Variants in MARF1 observed in about 807,000 individuals in gnomAD.
The protein encoded by MARF1 is meiosis regulator and mRNA stability factor 1.
A neutral mutation model predicts 168.2 loss-of-function variants in MARF1; 24 were observed. That is an observed-to-expected ratio of 0.14 (90% CI 0.10 to 0.20). The LOEUF is 0.20. MARF1 is among the 10% of genes least tolerant of loss of function. The pLI, the probability that MARF1 is intolerant of heterozygous loss-of-function variation, is 1.00. For missense variants in MARF1, 1,744 were observed against 2,143.6 expected (o/e 0.81, Z 3.68); for synonymous variants, 868 against 822.4 (o/e 1.06, Z -0.95).
rs377753902 is a variant in MARF1, at chr16:15,636,091, C to T, written c.396G>A (p.Pro132=). 1.5e-5 allele frequency: 25 copies of T among 1,614,194 alleles called. No homozygotes were observed. In the East Asian group the frequency reaches 3.8e-4, roughly 24 times the overall value. ...TGCTTTGCGAGTCTAACAGTGCGCC[C>T]GGGTGAATCAAGCTACTGGTACCTC... ...GSGGTSSLIH[P]GALLDSQSTR... Residue 132 remains proline (P), a synonymous_variant, in exon 3 of 27, where the codon CCG becomes CCA. Coordinates refer to ENST00000396368, the MANE Select transcript of MARF1 (RefSeq NM_014647.4).
Position 15,625,132 on chromosome 16 carries a change from A to G in MARF1, c.1995T>C (p.Ser665=). ...GCCTCAGGTGACCTTGCTGGTGCTC[A>G]CTGTTTCTATGACCAGTTTTTGACT... ...RMESKTGHRN[S]EHQQGHLRLV... Residue 665 remains serine, a synonymous_variant, in exon 9 of 27, where the codon AGT becomes AGC. Transcript: ENST00000396368. The G allele has an allele frequency of 6.2e-7, 1 of 1,614,106 alleles. No individual in the cohort carries two copies. Among genetic ancestry groups the G allele is most frequent in the Non-Finnish European group, 8.5e-7 (1 of 1,180,020 alleles).
At position 15,608,309 on chromosome 16, in the gene MARF1, T is replaced by A; in HGVS notation, c.4164A>T (p.Lys1388Asn). 3 of 1,578,000 alleles carry A rather than the reference T, an allele frequency of 1.9e-6. No individual in the cohort carries two copies. Among genetic ancestry groups the A allele is most frequent in the Non-Finnish European group, 2.6e-6 (3 of 1,154,562 alleles). ...CATTTACCTTCACGACATGGCAGAG[T>A]TTCTGAGTTAAAGCCGAAATGGAAC... ...DVSSISALTQ[K>N]LCHVVKVADI... The change falls in exon 21 of 27, where the codon AAA (lysine) becomes AAT (asparagine). Residue 1388 changes from lysine (K) to asparagine (N), a missense_variant. By Grantham distance (94) the Lys-to-Asn change is moderately conservative. Around this residue, in one of 7 missense-constraint regions of MARF1, gnomAD observed 543 missense variants for 742.1 expected, o/e 0.73. Coordinates refer to ENST00000396368, the MANE Select transcript of MARF1 (RefSeq NM_014647.4).
In MARF1 at chr16:15,595,962, A is replaced by C. The variant is rs2031638273; in HGVS notation, c.*731T>G. 1 of 152,554 alleles carries C rather than the reference A, an allele frequency of 6.6e-6. No homozygotes were observed. Among genetic ancestry groups the C allele is most frequent in the South Asian group, 2.1e-4 (1 of 4,828 alleles). 9.5% of individuals were successfully genotyped at this position (152,554 alleles called of 1,614,324 possible). ...TCTCCTTTTCCTTAACCTAACCCAT[A>C]TCAAACTGGAACACAGAAGGGAAGC... On this transcript the variant is annotated 3_prime_UTR_variant, in exon 27 of 27. Transcript: ENST00000396368.
At chr16:15,614,730 T>C (rs1029886784) in intron 16 of MARF1, among the ~76,000 whole-genome samples, 1 of 151,694 alleles carries the variant, frequency 6.6e-6, no homozygotes, top group Non-Finnish European at 1.5e-5. Context: ...GAGGCGGAGC[T>C]TGCAGTGAGC....
In MARF1 at chr16:15,594,415, A is replaced by G. The variant is rs142479496; in HGVS notation, c.*2278T>C. On this transcript the variant is annotated 3_prime_UTR_variant, in exon 27 of 27. Transcript: ENST00000396368. ...ATGCTCGCTTGTAAAGTTTATTGAC[A>G]ACTGTTTGGTCCCAACACACAAAAC... The G allele has an allele frequency of 3.1e-3, 479 of 152,718 alleles. 8 individuals are homozygous for G. The highest frequency in any genetic ancestry group is 8.1e-3 in the South Asian group (39 of 4,828). 9.5% of individuals were successfully genotyped at this position (152,718 alleles called of 1,614,324 possible). A position where few individuals can be genotyped will look rare whatever the true frequency, so the allele number is the denominator to read the frequency against.
chr16:15,637,532 T>A (rs2035677400), intron 2 of MARF1, among the ~76,000 whole-genome samples: 1 of 152,250 alleles, frequency 6.6e-6, no homozygotes, highest in South Asian at 2.1e-4. Context: ...TAGTTCAGAC[T>A]GAAATTAACA....
chr16:15,636,328 C>T lies in MARF1; in HGVS notation c.159G>A (p.Glu53=), dbSNP rs1415660146. 6.5e-7 allele frequency: 1 copy of T among 1,540,500 alleles called. No homozygotes were observed. The highest frequency in any genetic ancestry group is 1.2e-5 in the South Asian group (1 of 80,260). The part of the protein sequence containing the change: ...PHSPQTKEYM[E]NKKVAVELKD... ...TTAGTTCCACAGCAACTTTCTTGTT[C>T]TCCATGTACTCTTTCTGAGAAAAGA... The change falls in exon 3 of 27, where the codon GAG becomes GAA. Residue 53 remains glutamate (E), a synonymous_variant. Transcript: ENST00000396368.
rs139217775 is a variant in MARF1 at position 15,633,896 on chromosome 16, T to C, written c.1007-53A>G. On this transcript the variant is annotated intron_variant, in intron 4 of 26. Coordinates refer to ENST00000396368, the MANE Select transcript of MARF1 (RefSeq NM_014647.4). ...CTTGTAGTGGAAAATAAATGGCAAG[T>C]TACAATAAGATAATAAACTACCTAT... The C allele has an allele frequency of 2.5e-5, 36 of 1,413,262 alleles. No homozygotes were observed. The African/African-American group carries it at 4.6e-4, about 18-fold the overall frequency. 87.5% of individuals were successfully genotyped at this position (1,413,262 alleles called of 1,614,324 possible). A position where few individuals can be genotyped will look rare whatever the true frequency, so the allele number is the denominator to read the frequency against.
chr16:15,608,148 C>T (rs527772640), intron 21 of MARF1, 143 bp downstream of exon 21: 23 of 618,204 alleles, frequency 3.7e-5, no homozygotes, highest in East Asian at 1.1e-4. Context: ...TGACACAAAA[C>T]GAGTCATAAT....
intron 1 of MARF1, among the ~76,000 whole-genome samples, 173 bp from the exon 2 acceptor site, chr16:15,639,464 G>C (rs1451549856): frequency 1.3e-5 from 2 of 152,178 alleles, no homozygotes; most frequent in Non-Finnish European, 2.9e-5. Flanking sequence ...GCAGTGGTAC[G>C]ATCTCAGCTC....
intron 22 of MARF1, chr16:15,602,483 GAAGACGAAGAC>G (rs758958824): frequency 1.4e-4 from 78 of 565,454 alleles, no homozygotes; most frequent in African/African-American, 1.3e-3. Context: ...CAAAGAACAA[GAAGACGAAGAC>G]AAGACGAAGA....
intron 4 of MARF1, among the ~76,000 whole-genome samples, chr16:15,634,521 T>C (rs2035457330): frequency 6.6e-6 from 1 of 152,132 alleles, no homozygotes; most frequent in Non-Finnish European, 1.5e-5. Flanking sequence ...TCTCCTGATA[T>C]ACTACCAATT....
At chr16:15,610,572 A>G (rs551922463) in intron 19 of MARF1, 95 of 157,310 alleles carry the variant, frequency 6.0e-4, no homozygotes, top group African/African-American at 2.1e-3. Context: ...AAAGAAAAAA[A>G]AACATTCGAG....
In MARF1 at chr16:15,624,947, G is replaced by A. The variant is rs115217237; in HGVS notation, c.2112-20C>T. Reference sequence around the variant, plus strand: ...TCCTTTCTAACAGAAGGGGAAAATTGAAGGCAAAAGGTCATATGTCTTCCT... The same window carrying A: ...TCCTTTCTAACAGAAGGGGAAAATTAAAGGCAAAAGGTCATATGTCTTCCT... On this transcript the variant is annotated intron_variant, in intron 9 of 26. Transcript: ENST00000396368. 1 of 1,613,854 alleles carries A rather than the reference G, an allele frequency of 6.2e-7. No individual in the cohort carries two copies. Among genetic ancestry groups the A allele is most frequent in the African/African-American group, 1.3e-5 (1 of 74,992 alleles).
chr16:15,634,803 G>A lies in MARF1; in HGVS notation c.960C>T (p.Thr320=), dbSNP rs764823888. The A allele has an allele frequency of 6.2e-7, 1 of 1,613,720 alleles. No individual in the cohort carries two copies. Among genetic ancestry groups the A allele is most frequent in the Admixed American group, 1.7e-5 (1 of 59,954 alleles). The change falls in exon 4 of 27, where the codon ACC becomes ACT. Residue 320 remains threonine, a synonymous_variant. Transcript: ENST00000396368. Reference sequence around the variant, plus strand: ...CTAGACTGGTCGCCAATAACAACGTGGTCTCCTTCCCTGTTCCTTTGGTTC... The same window carrying A: ...CTAGACTGGTCGCCAATAACAACGTAGTCTCCTTCCCTGTTCCTTTGGTTC... ...GCGTKGTGKE[T]TLLLATSLGK...
At chr16:15,623,342 C>T (rs957232412) in intron 10 of MARF1, among the ~76,000 whole-genome samples, 36 of 128,396 alleles carry the variant, frequency 2.8e-4, no homozygotes, top group African/African-American at 9.8e-4. Flanking sequence ...TGCAATGGCA[C>T]GATCTCGGCT....
intron 1 of MARF1, 129 bp from the exon 2 acceptor site, chr16:15,639,420 A>G (rs1483542438): frequency 3.0e-6 from 2 of 659,004 alleles, no homozygotes; most frequent in Admixed American, 6.6e-5. Flanking sequence ...CTTTGTTTCA[A>G]GAGGAAGTCT....
intron 7 of MARF1, among the ~76,000 whole-genome samples, chr16:15,626,847 C>T (rs1296310051): frequency 6.6e-6 from 1 of 151,560 alleles, no homozygotes; most frequent in African/African-American, 2.4e-5. Flanking sequence ...CCTGTAATCC[C>T]AGCTACTCCA....
At chr16:15,598,479 C>T (rs2031998540) in intron 26 of MARF1, among the ~76,000 whole-genome samples, 1 of 152,140 alleles carries the variant, frequency 6.6e-6, no homozygotes. Flanking sequence ...CCCTTGGGCC[C>T]TCTGGACCCC....
Sources: gnomAD v4.1 joint callset for allele counts (sites outside exome capture counted in the v4.1 genomes callset) on GRCh38, gnomAD v4.1.1 for gene constraint, gnomAD v4.1.1 regional missense constraint, MANE v1.5 for transcripts, NCBI Gene and HGNC (gene_info 2026-07-23, HGNC 2026-07-21) for gene names.